Variants in CEP85L observed in about 807,000 individuals in gnomAD.
The protein encoded by CEP85L is centrosomal protein 85L, also known as centrosomal protein of 85 kDa-like.
In CEP85L, 60 loss-of-function variants were observed where a neutral mutation model predicts 100.3. That is an observed-to-expected ratio of 0.60 (90% CI 0.49 to 0.74). The LOEUF is 0.74. CEP85L is among the 30% of genes least tolerant of loss of function. The pLI, the probability that CEP85L is intolerant of heterozygous loss-of-function variation, is 0.00. For synonymous variants in CEP85L, 319 were observed against 322.7 expected, an observed-to-expected ratio of 0.99 and a Z score of 0.12; for missense variants, 973 against 936.2, an observed-to-expected ratio of 1.04 and a Z score of -0.51.
intron 3 of CEP85L, among the ~76,000 whole-genome samples, chr6:118,529,378 T>C (rs992641214): frequency 2.6e-5 from 4 of 151,938 alleles, no homozygotes; most frequent in Non-Finnish European, 5.9e-5. Context: ...GAGGCCAAGG[T>C]GGGTGGATCA....
intron 3 of CEP85L, among the ~76,000 whole-genome samples, chr6:118,563,358 G>A (rs565428180): frequency 2.0e-5 from 3 of 152,190 alleles, no homozygotes; most frequent in Non-Finnish European, 2.9e-5. Flanking sequence ...TTAACCTGGG[G>A]AGTGGGGAGC....
intron 2 of CEP85L, among the ~76,000 whole-genome samples, chr6:118,599,522 T>A (rs1781616043): frequency 6.6e-6 from 1 of 152,236 alleles, no homozygotes; most frequent in Non-Finnish European, 1.5e-5. Flanking sequence ...AAGTATTTAG[T>A]CCTCCAGGAT....
At chr6:118,677,952 G>A (rs1380524570) in intron 1 of CEP85L, among the ~76,000 whole-genome samples, 1 of 152,090 alleles carries the variant, frequency 6.6e-6, no homozygotes, top group Non-Finnish European at 1.5e-5. Flanking sequence ...CTTCAATTTT[G>A]CACCCTTCTA....
At chr6:118,468,490 G>C (rs1772697168) in intron 12 of CEP85L, among the ~76,000 whole-genome samples, 1 of 152,152 alleles carries the variant, frequency 6.6e-6, no homozygotes, top group African/African-American at 2.4e-5. Context: ...GGGACACTAG[G>C]ATTATTACTG....
rs747982084 is a variant in CEP85L at position 118,600,191 on chromosome 6, C to T, written c.232+32262G>A. On this transcript the variant is annotated intron_variant, in intron 2 of 12. Transcript: ENST00000368491. ...TCACAGGAGATGGAGTTAAACCCTC[C>T]GTTCTTGACTTGCCTCCAAAGAACA... 2.3e-4 allele frequency among the ~76,000 whole-genome samples: 35 copies of T among 151,516 alleles called. 1 individual carries two copies. The highest frequency in any genetic ancestry group is 5.8e-4 in the East Asian group (3 of 5,166).
chr6:118,578,818 A>C (rs1780397789), intron 2 of CEP85L, among the ~76,000 whole-genome samples: 1 of 152,192 alleles, frequency 6.6e-6, no homozygotes, highest in Non-Finnish European at 1.5e-5. Flanking sequence ...GTAGAAGTAA[A>C]TTGCCTTGCT....
chr6:118,620,887 C>A (rs1403800396), intron 2 of CEP85L, among the ~76,000 whole-genome samples: 1 of 152,128 alleles, frequency 6.6e-6, no homozygotes, highest in East Asian at 1.9e-4. Context: ...GCCTGAAAGT[C>A]CCACACCCTT....
intron 2 of CEP85L, among the ~76,000 whole-genome samples, chr6:118,567,197 G>A (rs1426152510): frequency 7.7e-6 from 1 of 129,634 alleles, no homozygotes. Context: ...ATATATGTAT[G>A]AATATATATG....
chr6:118,524,308 G>A (rs963046545), intron 3 of CEP85L, among the ~76,000 whole-genome samples: 1 of 152,144 alleles, frequency 6.6e-6, no homozygotes, highest in African/African-American at 2.4e-5. Context: ...GCCAGGCGTG[G>A]TGGCAGGCGC....
At chr6:118,639,828 CTTACAA>C (rs949898456) in intron 1 of CEP85L, among the ~76,000 whole-genome samples, 3 of 152,066 alleles carry the variant, frequency 2.0e-5, no homozygotes, top group Admixed American at 1.3e-4. Flanking sequence ...TTTTGGAAGC[CTTACAA>C]TTACAACTAC....
chr6:118,617,045 TA>T (rs1226141660), intron 2 of CEP85L, among the ~76,000 whole-genome samples: 40 of 151,322 alleles, frequency 2.6e-4, no homozygotes, highest in Admixed American at 2.6e-3. Flanking sequence ...AAAATAAAAA[TA>T]AAAAAAATTT....
chr6:118,622,663 G>C (rs1466347978), intron 2 of CEP85L, among the ~76,000 whole-genome samples: 1 of 152,232 alleles, frequency 6.6e-6, no homozygotes, highest in Non-Finnish European at 1.5e-5. Context: ...TGCTTATCTA[G>C]TTCTACATGC....
chr6:118,691,032 A>G (rs978138978), intron 1 of CEP85L, among the ~76,000 whole-genome samples: 1 of 152,114 alleles, frequency 6.6e-6, no homozygotes, highest in Admixed American at 6.5e-5. Context: ...AGAAAGAAAG[A>G]GAAAGATAAA....
intron 12 of CEP85L, 85 bp downstream of exon 12, chr6:118,468,983 TAAAC>T: frequency 2.4e-6 from 2 of 826,806 alleles, no homozygotes; most frequent in South Asian, 3.3e-5. Context: ...ATTACAAAAA[TAAAC>T]AGAGAAAAGG....
intron 2 of CEP85L, among the ~76,000 whole-genome samples, chr6:118,600,296 T>TGGGG (rs1554228034): frequency 0.02 from 691 of 34,120 alleles, 165 homozygotes; most frequent in Middle Eastern, 0.074. Flanking sequence ...TGAGCCTTCC[T>TGGGG]GGGGGTGTGT....
At chr6:118,656,725 T>C (rs554704723), upstream of CEP85L, 1 of 152,358 alleles carries the variant, frequency 6.6e-6, no homozygotes, top group South Asian at 2.1e-4. Context: ...ATCAGTGTTA[T>C]TGGGATGTCC....
chr6:118,507,877 T>G (rs1236539694), intron 5 of CEP85L, among the ~76,000 whole-genome samples: 1 of 152,168 alleles, frequency 6.6e-6, no homozygotes, highest in Non-Finnish European at 1.5e-5. Context: ...ACTTCATACA[T>G]AAACCCTGTG....
chr6:118,561,510 T>G (rs191515264), intron 3 of CEP85L, among the ~76,000 whole-genome samples: 2 of 152,110 alleles, frequency 1.3e-5, no homozygotes. Context: ...GAATAAGATA[T>G]AAGAAAACAA....
intron 5 of CEP85L, chr6:118,501,807 G>T (rs1054791409): frequency 8.7e-7 from 1 of 1,155,676 alleles, no homozygotes; most frequent in African/African-American, 2.0e-5. Flanking sequence ...GAGGCTGCTG[G>T]CTGAGAGAGA....
Sources: allele counts gnomAD v4.1 joint callset (sites outside exome capture counted in the v4.1 genomes callset), GRCh38; gene constraint gnomAD v4.1.1; transcripts MANE v1.5; gene names NCBI Gene and HGNC (gene_info 2026-07-23, HGNC 2026-07-21).